Variants in CYB5R3 observed in about 807,000 individuals in gnomAD.
CYB5R3 encodes NADH-cytochrome b5 reductase 3.
In CYB5R3, 28 loss-of-function variants were observed where a neutral mutation model predicts 36.5. That is an observed-to-expected ratio of 0.77 (90% confidence interval 0.57 to 1.05). CYB5R3 has a LOEUF of 1.05. Ranked by LOEUF, CYB5R3 falls within the 50% of genes least tolerant of loss-of-function variation. The pLI, the probability that CYB5R3 is intolerant of heterozygous loss-of-function variation, is 0.00. For missense variants in CYB5R3, 474 were observed against 408.9 expected, an observed-to-expected ratio of 1.16 and a Z score of -1.37; for synonymous variants, 181 against 159.8, an observed-to-expected ratio of 1.13 and a Z score of -1.00.
intron 8 of CYB5R3, among the ~76,000 whole-genome samples, chr22:42,621,182 T>TTGTGTGTGTGTGTGTG (rs1219788150): frequency 2.9e-5 from 3 of 104,972 alleles, no homozygotes; most frequent in African/African-American, 9.0e-5. Context: ...GATTTCTTTT[T>TTGTGTGTGTGTGTGTG]AGTGTGTGTG....
Position 42,619,584 on chromosome 22 carries a change from G to A in CYB5R3, c.*189C>T. The A allele has an allele frequency of 1.6e-6, 1 of 611,728 alleles. No homozygotes were observed. Among genetic ancestry groups the A allele is most frequent in the Non-Finnish European group, 2.9e-6 (1 of 346,302 alleles). The allele number at this position is 611,728 out of a possible 1,614,324, so 37.9% of individuals were successfully genotyped here. A position where few individuals can be genotyped will look rare whatever the true frequency, so the allele number is the denominator to read the frequency against. On this transcript the variant is annotated 3_prime_UTR_variant, in exon 9 of 9. Coordinates refer to ENST00000352397, the MANE Select transcript of CYB5R3 (RefSeq NM_000398.7). ...GGACGTACTCTGAAGGCTCAGCCGT[G>A]GCCCATCTGGGACACAGCCCTGCTC...
chr22:42,638,950 C>A, intron 1 of CYB5R3: 2 of 332,148 alleles, frequency 6.0e-6, no homozygotes, highest in South Asian at 2.2e-5. Context: ...AGGAGAAATG[C>A]TTGAAGCTAG....
At chr22:42,642,003 T>C (rs1929300642) in intron 1 of CYB5R3, among the ~76,000 whole-genome samples, 1 of 152,220 alleles carries the variant, frequency 6.6e-6, no homozygotes, top group South Asian at 2.1e-4. Context: ...TATGCACACA[T>C]GTAGTATCTA....
intron 2 of CYB5R3, among the ~76,000 whole-genome samples, chr22:42,635,109 A>G (rs1301621029): frequency 6.6e-6 from 1 of 151,990 alleles, no homozygotes; most frequent in African/African-American, 2.4e-5. Flanking sequence ...GGCTGGGACT[A>G]CAGGTGCCTG....
chr22:42,623,090 G>C (rs1928069768), intron 8 of CYB5R3, among the ~76,000 whole-genome samples: 1 of 152,240 alleles, frequency 6.6e-6, no homozygotes, highest in Non-Finnish European at 1.5e-5. Flanking sequence ...CAGCCCTGAA[G>C]CTAAACATCA....
rs753985789 is a variant in CYB5R3 at position 42,636,675 on chromosome 22, C to T, written c.153+40G>A. The T allele has an allele frequency of 1.9e-6, 3 of 1,603,424 alleles. No individual in the cohort carries two copies. The East Asian group carries it at 6.7e-5, about 36-fold the overall frequency. On this transcript the variant is annotated intron_variant, in intron 2 of 8. Coordinates refer to ENST00000352397, the MANE Select transcript of CYB5R3 (RefSeq NM_000398.7). ...AGCACAGAGTAGGTGCTGGGCAATG[C>T]TGTGATGCTGACGAGGCAGCGGCGG...
chr22:42,645,484 C>G (rs1009398151), intron 1 of CYB5R3, among the ~76,000 whole-genome samples: 2 of 152,330 alleles, frequency 1.3e-5, no homozygotes, highest in East Asian at 1.9e-4. Flanking sequence ...TGTTTCCACG[C>G]CTGTTCCACA....
rs376333813 is a variant in CYB5R3 at position 42,636,853 on chromosome 22, C to A, written c.22-7G>T. 2 of 1,612,932 alleles carry A rather than the reference C, an allele frequency of 1.2e-6. No individual in the cohort carries two copies. Among genetic ancestry groups the A allele is most frequent in the Non-Finnish European group, 1.7e-6 (2 of 1,179,844 alleles). Reference sequence around the variant, plus strand: ...AGAGCACCATATGGCCCAACTGAAACGACAGGACCCGCGGGGTCAGTGCAG... The same window carrying A: ...AGAGCACCATATGGCCCAACTGAAAAGACAGGACCCGCGGGGTCAGTGCAG... On this transcript the variant is annotated splice_region_variant and splice_polypyrimidine_tract_variant and intron_variant, in intron 1 of 8. Coordinates refer to ENST00000352397, the MANE Select transcript of CYB5R3 (RefSeq NM_000398.7).
chr22:42,647,825 C>T (rs8190380), intron 1 of CYB5R3, among the ~76,000 whole-genome samples: 2 of 151,938 alleles, frequency 1.3e-5, no homozygotes, highest in Non-Finnish European at 2.9e-5. Context: ...GAGCTATGAT[C>T]GCGCCACTGC....
intron 1 of CYB5R3, among the ~76,000 whole-genome samples, chr22:42,648,067 G>C (rs1430382172): frequency 3.9e-5 from 6 of 152,290 alleles, no homozygotes; most frequent in Non-Finnish European, 1.5e-5. Flanking sequence ...AAATGGGCCG[G>C]GTGTTGCATG....
At chr22:42,644,547 T>A in intron 1 of CYB5R3, 2 of 1,499,324 alleles carry the variant, frequency 1.3e-6, no homozygotes, top group Admixed American at 2.0e-5. Flanking sequence ...TCTTCCCTGA[T>A]GAGCCCTTCC....
intron 7 of CYB5R3, among the ~76,000 whole-genome samples, chr22:42,626,611 C>G (rs973985842): frequency 2.0e-5 from 3 of 152,214 alleles, no homozygotes; most frequent in Non-Finnish European, 4.4e-5. Context: ...GTTGGCCTTG[C>G]GGCAGTTTTC....
At position 42,623,812 on chromosome 22, in the gene CYB5R3, T is replaced by A; in HGVS notation, c.710A>T (p.Tyr237Phe). 1.9e-6 allele frequency: 3 copies of A among 1,614,084 alleles called. No homozygotes were observed. Among genetic ancestry groups the A allele is most frequent in the Non-Finnish European group, 2.5e-6 (3 of 1,179,920 alleles). Reference protein sequence around the residue: ...NKHSARFKLWYTLDRAPEAWD... With the variant: ...NKHSARFKLWFTLDRAPEAWD... ...ACCTTCAGGGGCTCTGTCCAGCGTG[T>A]ACCAGAGCTTGAAGCGTGCAGAATG... The change falls in exon 8 of 9, where the codon TAC becomes TTC. Residue 237 changes from tyrosine (Y) to phenylalanine (F), a missense_variant. By Grantham distance (22) the Tyr-to-Phe change is conservative. Transcript: ENST00000352397.
At chr22:42,627,965 G>C (rs1928379521) in intron 5 of CYB5R3, among the ~76,000 whole-genome samples, 187 bp downstream of exon 5, 1 of 152,064 alleles carries the variant, frequency 6.6e-6, no homozygotes, top group Non-Finnish European at 1.5e-5. Flanking sequence ...TGGCCTGTCT[G>C]CAACCCCTGT....
chr22:42,649,333 C>A lies in CYB5R3; in HGVS notation c.-18G>T, dbSNP rs969319816. ...GCCCCCATGGTGGCCCCGCGCCGCGCTCGCTCTGTCGCCGCCGCCGCCGCC... is the reference window on the plus strand; with the variant it reads ...GCCCCCATGGTGGCCCCGCGCCGCGATCGCTCTGTCGCCGCCGCCGCCGCC... On this transcript the variant is annotated 5_prime_UTR_variant, in exon 1 of 9. Coordinates refer to ENST00000352397, the MANE Select transcript of CYB5R3 (RefSeq NM_000398.7). 101 of 1,007,556 alleles carry A rather than the reference C, an allele frequency of 1.0e-4. 1 individual carries two copies. Among genetic ancestry groups the A allele is most frequent in the Middle Eastern group, 9.5e-4 (2 of 2,104 alleles). 62.4% of individuals were successfully genotyped at this position (1,007,556 alleles called of 1,614,324 possible).
chr22:42,640,210 T>C, intron 1 of CYB5R3: 1 of 1,604,016 alleles, frequency 6.2e-7, no homozygotes, highest in Non-Finnish European at 8.5e-7. Flanking sequence ...AGGCTTCAAG[T>C]AAGTCACAGC....
At chr22:42,627,574 G>T in intron 6 of CYB5R3, 31 bp downstream of exon 6, 1 of 1,594,264 alleles carries the variant, frequency 6.3e-7, no homozygotes, top group Non-Finnish European at 8.6e-7. Context: ...AACATGAGCC[G>T]CCGGACGCCT....
At position 42,630,944 on chromosome 22, in the gene CYB5R3, C is replaced by T. The variant is rs1362518180; in HGVS notation, c.271G>A (p.Val91Ile). 16 of 1,613,896 alleles carry T rather than the reference C, an allele frequency of 9.9e-6. 1 individual carries two copies. The highest frequency in any genetic ancestry group is 1.6e-4 in the Middle Eastern group (1 of 6,084). Reference sequence around the variant, plus strand: ...CTGGAGATGGGTGTATAGGGCCGGACGACCAGGTTTCCATCAATTCGAGCC... The same window carrying T: ...CTGGAGATGGGTGTATAGGGCCGGATGACCAGGTTTCCATCAATTCGAGCC... Reference protein sequence around the residue: ...LSARIDGNLVVRPYTPISSDD... With the variant: ...LSARIDGNLVIRPYTPISSDD... Residue 91 changes from valine to isoleucine, a missense_variant, in exon 4 of 9, where the codon GTC becomes ATC. By Grantham distance (29) the Val-to-Ile change is conservative. Coordinates refer to ENST00000352397, the MANE Select transcript of CYB5R3 (RefSeq NM_000398.7).
At chr22:42,643,774 G>A (rs1929402176) in intron 1 of CYB5R3, among the ~76,000 whole-genome samples, 1 of 152,164 alleles carries the variant, frequency 6.6e-6, no homozygotes, top group Non-Finnish European at 1.5e-5. Flanking sequence ...TTGGGTCAGA[G>A]AGACCAGGGT....
Sources: gnomAD v4.1 joint callset for allele counts (sites outside exome capture counted in the v4.1 genomes callset) on GRCh38, gnomAD v4.1.1 for gene constraint, MANE v1.5 for transcripts, NCBI Gene and HGNC (gene_info 2026-07-23, HGNC 2026-07-21) for gene names.